Variants in TANK observed in about 807,000 individuals in gnomAD.
TANK encodes TRAF family member associated NFKB activator.
A neutral mutation model predicts 43.6 loss-of-function variants in TANK; 15 were observed. The observed-to-expected ratio is 0.34, with a 90% CI of 0.23 to 0.53. The LOEUF is 0.53. Among genes scored for constraint, TANK ranks in the 20% least tolerant of loss-of-function variants. TANK has a pLI of 0.94. For missense variants in TANK, 417 were observed against 498.6 expected (o/e 0.84, Z 1.56); for synonymous variants, 162 against 178.2 (o/e 0.91, Z 0.73).
intron 4 of TANK, among the ~76,000 whole-genome samples, chr2:161,218,757 A>T (rs12469235): frequency 0.11 from 17,316 of 152,218 alleles, 1,697 homozygotes; most frequent in African/African-American, 0.26. Context: ...TCTGTTCTTC[A>T]TGGTGTAGTG....
At chr2:161,137,966 CAA>C in intron 1 of TANK, 4 of 529,864 alleles carry the variant, frequency 7.5e-6, no homozygotes, top group Non-Finnish European at 9.5e-6. Context: ...AACTCCGTCT[CAA>C]AAAAAAAATA....
chr2:161,198,337 G>A (rs1483486727), intron 2 of TANK, among the ~76,000 whole-genome samples: 1 of 152,228 alleles, frequency 6.6e-6, no homozygotes, highest in South Asian at 2.1e-4. Context: ...ACACACTGGG[G>A]TGGAAGTTGG....
At chr2:161,190,244 C>T (rs1685852585) in intron 2 of TANK, among the ~76,000 whole-genome samples, 1 of 152,132 alleles carries the variant, frequency 6.6e-6, no homozygotes, top group African/African-American at 2.4e-5. Context: ...ATTAGTAAAA[C>T]CACAGTGAGA....
chr2:161,171,495 A>G (rs917592351), intron 1 of TANK, among the ~76,000 whole-genome samples: 3 of 152,194 alleles, frequency 2.0e-5, no homozygotes, highest in Non-Finnish European at 4.4e-5. Context: ...AAGGGATATG[A>G]AGAGCTGTAG....
chr2:161,192,465 T>A (rs748904895), intron 2 of TANK, among the ~76,000 whole-genome samples: 8 of 152,192 alleles, frequency 5.3e-5, no homozygotes, highest in Non-Finnish European at 1.0e-4. Flanking sequence ...ATTGTGTTTT[T>A]CTCTTTTAGT....
At chr2:161,232,078 G>A (rs562154830) in intron 7 of TANK, among the ~76,000 whole-genome samples, 69 of 152,210 alleles carry the variant, frequency 4.5e-4, no homozygotes, top group South Asian at 8.3e-4. Flanking sequence ...TTTGGTTTTG[G>A]TTGCTAATCT....
chr2:161,191,473 C>G (rs929360474), intron 2 of TANK, among the ~76,000 whole-genome samples: 1 of 152,172 alleles, frequency 6.6e-6, no homozygotes, highest in African/African-American at 2.4e-5. Context: ...TCATCTTCAT[C>G]ACTAAGATTT....
chr2:161,199,863 G>A (rs1456574138), intron 2 of TANK, among the ~76,000 whole-genome samples: 1 of 152,158 alleles, frequency 6.6e-6, no homozygotes, highest in Admixed American at 6.5e-5. Context: ...GGGCAGCATA[G>A]TAAGACCCTG....
At chr2:161,197,944 A>G (rs955578649) in intron 2 of TANK, among the ~76,000 whole-genome samples, 1 of 152,166 alleles carries the variant, frequency 6.6e-6, no homozygotes, top group Non-Finnish European at 1.5e-5. Flanking sequence ...TATGAGATAA[A>G]TGCACGTGAT....
At chr2:161,211,730 C>T in intron 4 of TANK, 5 of 981,812 alleles carry the variant, frequency 5.1e-6, no homozygotes, top group Non-Finnish European at 6.0e-6. Context: ...TATCTTTTAT[C>T]ATACAGAAAT....
At chr2:161,225,671 G>C (rs1223189701) in intron 6 of TANK, among the ~76,000 whole-genome samples, 1 of 152,132 alleles carries the variant, frequency 6.6e-6, no homozygotes, top group African/African-American at 2.4e-5. Flanking sequence ...GAGCTATTCT[G>C]CAGACAATTC....
At chr2:161,191,710 A>G (rs1301084384) in intron 2 of TANK, among the ~76,000 whole-genome samples, 1 of 152,200 alleles carries the variant, frequency 6.6e-6, no homozygotes, top group Non-Finnish European at 1.5e-5. Context: ...AAAATTGTCA[A>G]TAGTCTTTCA....
At chr2:161,138,918 C>A (rs1406164485) in intron 1 of TANK, among the ~76,000 whole-genome samples, 1 of 152,122 alleles carries the variant, frequency 6.6e-6, no homozygotes, top group East Asian at 1.9e-4. Context: ...CCTCAGTAGA[C>A]ATAGAAGTTC....
At chr2:161,196,786 G>A (rs1686172584) in intron 2 of TANK, among the ~76,000 whole-genome samples, 1 of 152,172 alleles carries the variant, frequency 6.6e-6, no homozygotes, top group African/African-American at 2.4e-5. Context: ...AACCTGGGAG[G>A]TGGAGGTTGC....
chr2:161,223,927 G>A lies in TANK; in HGVS notation c.340G>A (p.Glu114Lys). 1 of 1,600,452 alleles carries A rather than the reference G, an allele frequency of 6.2e-7. No individual in the cohort carries two copies. Among genetic ancestry groups the A allele is most frequent in the Non-Finnish European group, 8.5e-7 (1 of 1,170,554 alleles). Reference sequence around the variant, plus strand: ...TTGTATGTTTAAGGTAAGAAGACAAGAGGTTTCTTCTCCTAGAAAAGAAAC... The same window carrying A: ...TTGTATGTTTAAGGTAAGAAGACAAAAGGTTTCTTCTCCTAGAAAAGAAAC... ...REKLPKVRRQ[E>K]VSSPRKETSA... Residue 114 changes from glutamate (E) to lysine (K), a missense_variant, in exon 5 of 8, where the codon GAG becomes AAG. Glu to Lys is a moderately conservative substitution (Grantham distance 56). Transcript: ENST00000392749.
At chr2:161,200,551 C>T in intron 2 of TANK, 2 of 983,440 alleles carry the variant, frequency 2.0e-6, no homozygotes, top group Non-Finnish European at 2.4e-6. Flanking sequence ...GTACTTTTTT[C>T]TGAATATGCA....
At chr2:161,228,893 T>G (rs1037434991) in intron 6 of TANK, among the ~76,000 whole-genome samples, 3 of 152,256 alleles carry the variant, frequency 2.0e-5, no homozygotes, top group African/African-American at 7.2e-5. Flanking sequence ...GTTTGTAGCC[T>G]AAGAACAATA....
chr2:161,222,361 A>T (rs1687389189), intron 4 of TANK, among the ~76,000 whole-genome samples: 1 of 151,874 alleles, frequency 6.6e-6, no homozygotes, highest in Admixed American at 6.6e-5. Context: ...ATATATAATC[A>T]CTTATTTTAT....
intron 4 of TANK, among the ~76,000 whole-genome samples, chr2:161,205,384 T>G (rs1402957926): frequency 3.3e-5 from 5 of 151,974 alleles, no homozygotes; most frequent in African/African-American, 7.3e-5. Flanking sequence ...TGTGTGTGTG[T>G]GGTGTGTGTG....
Sources: gnomAD v4.1 joint callset for allele counts (sites outside exome capture counted in the v4.1 genomes callset) on GRCh38, gnomAD v4.1.1 for gene constraint, MANE v1.5 for transcripts, NCBI Gene and HGNC (gene_info 2026-07-23, HGNC 2026-07-21) for gene names.